The following NF1 variants were observed in gnomAD, a reference collection of about 807,000 sequenced individuals.
The protein encoded by NF1 is neurofibromin 1.
NF1 carries 122 observed loss-of-function variants against 325.7 expected under a neutral mutation model. That is an observed-to-expected ratio of 0.37 (90% CI 0.32 to 0.44). NF1 has a LOEUF of 0.44. Ranked by LOEUF, NF1 falls within the 20% of genes least tolerant of loss-of-function variation. The pLI is 1.00. For missense variants in NF1, 2,140 were observed against 3,415.4 expected (o/e 0.63, Z 9.31); for synonymous variants, 1,091 against 1,186.0 (o/e 0.92, Z 1.65).
intron 1 of NF1, among the ~76,000 whole-genome samples, chr17:31,143,410 G>A (rs1916368522): frequency 6.6e-6 from 1 of 151,850 alleles, no homozygotes; most frequent in Admixed American, 6.6e-5. Flanking sequence ...GGGACTACAG[G>A]TGCATACCAC....
In NF1 at chr17:31,317,403, A is replaced by C. The variant is rs112194571; in HGVS notation, c.4836-8417A>C. On this transcript the variant is annotated intron_variant, in intron 36 of 57. Transcript: ENST00000358273. The stretch of plus-strand genomic sequence containing the variant: ...CACACACACACACACACACACACAC[A>C]CCCCTAATAAATCATTAGGCTACTT... 3.3e-3 allele frequency among the ~76,000 whole-genome samples: 489 copies of C among 147,272 alleles called. 1 individual carries two copies. Among genetic ancestry groups the C allele is most frequent in the Middle Eastern group, 0.024 (7 of 288 alleles).
In NF1 at chr17:31,247,621, A is replaced by G. The variant is rs115784024; in HGVS notation, c.3975-1363A>G. ...GTTTTAGAGCTATTTGGCAATATCT[A>G]GTAAAGTTATATCTGCATATACTCA... On this transcript the variant is annotated intron_variant, in intron 29 of 57. Coordinates refer to ENST00000358273, the MANE Select transcript of NF1 (RefSeq NM_001042492.3). Among the ~76,000 whole-genome samples, 1,093 of 152,344 alleles carry G rather than the reference A, an allele frequency of 7.2e-3. 15 individuals are homozygous for G. The highest frequency in any genetic ancestry group is 0.025 in the African/African-American group (1,051 of 41,586).
intron 8 of NF1, among the ~76,000 whole-genome samples, chr17:31,199,302 G>A (rs1427926987): frequency 2.0e-5 from 3 of 151,802 alleles, no homozygotes; most frequent in Non-Finnish European, 4.4e-5. Context: ...ATCTCACGTT[G>A]GTTTCTAATT....
At chr17:31,353,958 G>C (rs2070212476) in intron 51 of NF1, among the ~76,000 whole-genome samples, 1 of 152,216 alleles carries the variant, frequency 6.6e-6, no homozygotes, top group South Asian at 2.1e-4. Context: ...TGTTGTTTGA[G>C]TTCCCTTCTG....
intron 31 of NF1, chr17:31,257,651 G>A (rs957293653): frequency 1.3e-5 from 2 of 151,972 alleles, no homozygotes; most frequent in South Asian, 4.1e-4. Flanking sequence ...TAGACATAGG[G>A]GTTCTCTCTT....
chr17:31,161,918 C>A (rs553017569), intron 3 of NF1, among the ~76,000 whole-genome samples: 2 of 151,554 alleles, frequency 1.3e-5, no homozygotes, highest in South Asian at 4.2e-4. Context: ...TGTCTGTAGT[C>A]CCAGCTACTT....
intron 43 of NF1, 40 bp from the exon 44 acceptor site, chr17:31,337,779 A>T (rs1229356513): frequency 6.3e-7 from 1 of 1,594,210 alleles, no homozygotes; most frequent in African/African-American, 1.3e-5. Context: ...TTCTAAAAAC[A>T]TTTATGTACA....
chr17:31,160,577 G>GGT (rs2143655259), intron 3 of NF1, among the ~76,000 whole-genome samples: 1 of 152,278 alleles, frequency 6.6e-6, no homozygotes, highest in South Asian at 2.1e-4. Flanking sequence ...CTGTTACATA[G>GGT]GATGATGGAA....
At chr17:31,264,739 T>C (rs956764847) in intron 35 of NF1, among the ~76,000 whole-genome samples, 4 of 152,202 alleles carry the variant, frequency 2.6e-5, no homozygotes, top group African/African-American at 9.7e-5. Context: ...GAACATAATA[T>C]ATGCTAAAGC....
At chr17:31,224,947 T>A in intron 16 of NF1, 148 bp from the exon 17 acceptor site, 2 of 765,850 alleles carry the variant, frequency 2.6e-6, no homozygotes, top group African/African-American at 1.7e-5. Context: ...TCTAATGGGT[T>A]TCTAGTGAAT....
In NF1 at chr17:31,275,744, C is replaced by T. The variant is rs79373195; in HGVS notation, c.4835+10405C>T. On this transcript the variant is annotated intron_variant, in intron 36 of 57. Coordinates refer to ENST00000358273, the MANE Select transcript of NF1 (RefSeq NM_001042492.3). ...TATACGATCCTTCCCTAATTCTTCACGTCAGAATCAGTCATTTTAGTACTT... is the reference window on the plus strand; with the variant it reads ...TATACGATCCTTCCCTAATTCTTCATGTCAGAATCAGTCATTTTAGTACTT... 7.0e-3 allele frequency among the ~76,000 whole-genome samples: 1,068 copies of T among 152,272 alleles called. 11 individuals carry two copies. The highest frequency in any genetic ancestry group is 0.024 in the Middle Eastern group (7 of 294).
chr17:31,147,176 T>C (rs996978182), intron 1 of NF1, among the ~76,000 whole-genome samples: 3 of 152,200 alleles, frequency 2.0e-5, no homozygotes, highest in Non-Finnish European at 4.4e-5. Context: ...GTAACCAGTA[T>C]CCAGATCAAG....
chr17:31,304,707 G>A, intron 36 of NF1: 2 of 1,614,076 alleles, frequency 1.2e-6, no homozygotes, highest in Non-Finnish European at 1.7e-6. Context: ...TGGGGTTGTT[G>A]GAGTCTTCAA....
chr17:31,181,508 G>A lies in NF1; in HGVS notation c.654+19G>A, dbSNP rs2066133264. 2 of 1,611,274 alleles carry A rather than the reference G, an allele frequency of 1.2e-6. No individual in the cohort carries two copies. Among genetic ancestry groups the A allele is most frequent in the Non-Finnish European group, 1.7e-6 (2 of 1,177,790 alleles). On this transcript the variant is annotated intron_variant, in intron 6 of 57. Coordinates refer to ENST00000358273, the MANE Select transcript of NF1 (RefSeq NM_001042492.3). ...GGAAAAGGTAAGTTACAACCTCTCT[G>A]GTATTAAAATTTTGTTTTTGATGTA...
At chr17:31,180,964 A>T (rs2066119131) in intron 5 of NF1, among the ~76,000 whole-genome samples, 1 of 152,212 alleles carries the variant, frequency 6.6e-6, no homozygotes, top group South Asian at 2.1e-4. Flanking sequence ...AGACAAACAG[A>T]GAGCCAAATC....
chr17:31,268,906 A>G (rs1382513459), intron 36 of NF1, among the ~76,000 whole-genome samples: 4 of 151,588 alleles, frequency 2.6e-5, no homozygotes, highest in East Asian at 3.9e-4. Context: ...AGGTTTTGCT[A>G]TGTTGCGCAG....
chr17:31,265,437 G>A, intron 36 of NF1, 98 bp downstream of exon 36: 1 of 846,532 alleles, frequency 1.2e-6, no homozygotes, highest in Non-Finnish European at 2.0e-6. Flanking sequence ...TGACTTAACA[G>A]GAATTGAAGA....
At chr17:31,201,185 T>C (rs1162698387) in intron 10 of NF1, 26 bp downstream of exon 10, 1 of 1,613,678 alleles carries the variant, frequency 6.2e-7, no homozygotes, top group Admixed American at 1.7e-5. Flanking sequence ...TTTATCTAAC[T>C]ATATTTACTG....
chr17:31,371,216 T>C (rs2070630596), intron 57 of NF1, among the ~76,000 whole-genome samples: 1 of 152,030 alleles, frequency 6.6e-6, no homozygotes, highest in African/African-American at 2.4e-5. Context: ...AAAACAAAAA[T>C]GAATAATAAT....
Sources: gnomAD v4.1 joint callset for allele counts (sites outside exome capture counted in the v4.1 genomes callset) on GRCh38, gnomAD v4.1.1 for gene constraint, MANE v1.5 for transcripts, NCBI Gene and HGNC (gene_info 2026-07-23, HGNC 2026-07-21) for gene names.